The following GLIS3 variants were observed in gnomAD, a reference collection of about 807,000 sequenced individuals.
GLIS3 encodes the protein GLIS family zinc finger 3.
GLIS3 carries 53 observed loss-of-function variants against 78.6 expected under a neutral mutation model. The ratio of observed to expected loss-of-function variants is 0.67; its 90% confidence interval spans 0.54 to 0.85. GLIS3 has a LOEUF of 0.85. GLIS3 is among the 40% of genes least tolerant of loss of function. GLIS3 has a pLI of 0.00. For synonymous variants in GLIS3, 684 were observed against 509.9 expected, an observed-to-expected ratio of 1.34 and a Z score of -4.60; for missense variants, 1,703 against 1,231.1, an observed-to-expected ratio of 1.38 and a Z score of -5.74.
At chr9:4,084,082 A>G (rs947137291) in intron 4 of GLIS3, among the ~76,000 whole-genome samples, 2 of 152,122 alleles carry the variant, frequency 1.3e-5, no homozygotes, top group Admixed American at 1.3e-4. Context: ...AAACACAGCA[A>G]CTTTTCCAGG....
At chr9:4,422,985 T>A in the GLIS3 span, among the ~76,000 whole-genome samples, 2 of 151,734 alleles carry the variant, frequency 1.3e-5, no homozygotes, top group African/African-American at 4.8e-5. Context: ...ATCACAGGAG[T>A]CAAAAGAGAA....
the GLIS3 span, among the ~76,000 whole-genome samples, chr9:4,406,287 C>G: frequency 5.9e-5 from 9 of 152,326 alleles, no homozygotes; most frequent in African/African-American, 2.2e-4. Context: ...GTCAAATTAT[C>G]CTTGTTTGCA....
chr9:4,303,680 T>A (rs73641413), upstream of GLIS3, among the ~76,000 whole-genome samples: 837 of 152,296 alleles, frequency 5.5e-3, 11 homozygotes, highest in African/African-American at 0.019. Flanking sequence ...TTTCAAATAT[T>A]TCACTCCATA....
the GLIS3 span, among the ~76,000 whole-genome samples, chr9:4,481,724 G>A: frequency 6.6e-6 from 1 of 152,136 alleles, no homozygotes; most frequent in South Asian, 2.1e-4. Flanking sequence ...GGGGTGAAGA[G>A]CCCTTGTGCA....
intron 2 of GLIS3, among the ~76,000 whole-genome samples, chr9:4,346,049 A>G (rs1280742001): frequency 3.9e-5 from 6 of 152,220 alleles, no homozygotes; most frequent in Non-Finnish European, 8.8e-5. Flanking sequence ...AAATACAGAC[A>G]CAGAAGAACT....
At chr9:4,259,112 T>C (rs1159380183) in intron 2 of GLIS3, among the ~76,000 whole-genome samples, 1 of 152,164 alleles carries the variant, frequency 6.6e-6, no homozygotes, top group Non-Finnish European at 1.5e-5. Context: ...ACCTCACCAC[T>C]TGGATCTTAT....
At chr9:4,296,719 A>G (rs1816540704) in intron 1 of GLIS3, among the ~76,000 whole-genome samples, 1 of 152,156 alleles carries the variant, frequency 6.6e-6, no homozygotes, top group Admixed American at 6.5e-5. Context: ...GGGCAAGAAA[A>G]GAAAGCAATT....
At chr9:4,169,716 C>A (rs1816205311) in intron 2 of GLIS3, among the ~76,000 whole-genome samples, 1 of 152,044 alleles carries the variant, frequency 6.6e-6, no homozygotes, top group South Asian at 2.1e-4. Flanking sequence ...AGTCTATAAC[C>A]TACTCAAATC....
intron 4 of GLIS3, among the ~76,000 whole-genome samples, chr9:4,074,721 T>C (rs544636459): frequency 1.3e-5 from 2 of 152,288 alleles, no homozygotes; most frequent in East Asian, 3.9e-4. Flanking sequence ...AGCATTAACT[T>C]AAAGCAACAT....
chr9:4,190,146 G>A (rs1287536448), intron 2 of GLIS3, among the ~76,000 whole-genome samples: 5 of 152,214 alleles, frequency 3.3e-5, no homozygotes, highest in African/African-American at 9.6e-5. Flanking sequence ...CCAAAGGAAC[G>A]CAGCTCCTCA....
chr9:3,895,223 C>T (rs1822742300), intron 7 of GLIS3, among the ~76,000 whole-genome samples: 1 of 152,216 alleles, frequency 6.6e-6, no homozygotes, highest in Non-Finnish European at 1.5e-5. Flanking sequence ...GGCATTCACA[C>T]TTCGATCAAC....
intron 4 of GLIS3, among the ~76,000 whole-genome samples, chr9:3,956,285 T>C (rs1817107411): frequency 6.6e-6 from 1 of 151,922 alleles, no homozygotes; most frequent in Non-Finnish European, 1.5e-5. Flanking sequence ...TAGAGAAAAA[T>C]AAGCTAGGGG....
At chr9:4,054,777 G>A (rs1826010151) in intron 4 of GLIS3, among the ~76,000 whole-genome samples, 1 of 151,952 alleles carries the variant, frequency 6.6e-6, no homozygotes, top group Non-Finnish European at 1.5e-5. Context: ...GTCTCTCTCT[G>A]TGTGTGTATG....
intron 4 of GLIS3, among the ~76,000 whole-genome samples, chr9:4,040,110 G>A (rs1171926041): frequency 2.6e-5 from 4 of 152,050 alleles, no homozygotes; most frequent in Non-Finnish European, 5.9e-5. Context: ...CACAGTCCTG[G>A]TACTTAACTG....
intron 2 of GLIS3, among the ~76,000 whole-genome samples, chr9:4,213,046 GA>G (rs1820513293): frequency 6.6e-6 from 1 of 152,064 alleles, no homozygotes; most frequent in South Asian, 2.1e-4. Context: ...AGCTGCCATG[GA>G]AAAAAACTAT....
intron 2 of GLIS3, among the ~76,000 whole-genome samples, chr9:4,155,510 C>T (rs1176256679): frequency 6.6e-6 from 1 of 152,188 alleles, no homozygotes; most frequent in Non-Finnish European, 1.5e-5. Flanking sequence ...CTTTGCTGAA[C>T]TCAAAACGTT....
chr9:3,996,287 A>G (rs1820740376), intron 4 of GLIS3, among the ~76,000 whole-genome samples: 1 of 152,180 alleles, frequency 6.6e-6, no homozygotes, highest in Non-Finnish European at 1.5e-5. Context: ...CTCAGAAGTA[A>G]GTTCAGATAT....
At chr9:4,379,576 C>A in the GLIS3 span, among the ~76,000 whole-genome samples, 5 of 152,246 alleles carry the variant, frequency 3.3e-5, no homozygotes, top group Non-Finnish European at 7.4e-5. Flanking sequence ...GGGAGCTAAA[C>A]CTTGAGTTAT....
At chr9:3,976,295 A>C (rs1026466150) in intron 4 of GLIS3, among the ~76,000 whole-genome samples, 11 of 152,274 alleles carry the variant, frequency 7.2e-5, no homozygotes, top group Admixed American at 7.2e-4. Context: ...TAAAAGATGT[A>C]AATATCTTTC....
Sources: allele counts gnomAD v4.1 joint callset (sites outside exome capture counted in the v4.1 genomes callset), GRCh38; gene constraint gnomAD v4.1.1; transcripts MANE v1.5; gene names NCBI Gene and HGNC (gene_info 2026-07-23, HGNC 2026-07-21).